The following SLC37A1 variants were observed in gnomAD, a reference collection of about 807,000 sequenced individuals.
SLC37A1 encodes the protein solute carrier family 37 member 1.
A neutral mutation model predicts 75.3 loss-of-function variants in SLC37A1; 49 were observed. The ratio of observed to expected loss-of-function variants is 0.65; its 90% confidence interval spans 0.52 to 0.83. The LOEUF is 0.83. Among genes scored for constraint, SLC37A1 ranks in the 40% least tolerant of loss-of-function variants. SLC37A1 has a pLI of 0.00. For missense variants in SLC37A1, 566 were observed against 695.0 expected (o/e 0.81, Z 2.09); for synonymous variants, 268 against 292.1 (o/e 0.92, Z 0.84).
chr21:42,535,949 C>A (rs1472486713), intron 5 of SLC37A1, among the ~76,000 whole-genome samples: 2 of 152,200 alleles, frequency 1.3e-5, no homozygotes, highest in Non-Finnish European at 2.9e-5. Context: ...GTTTATATGC[C>A]CCAAATAACG....
chr21:42,542,603 A>G, intron 7 of SLC37A1, 123 bp downstream of exon 7: 1 of 921,590 alleles, frequency 1.1e-6, no homozygotes, highest in Non-Finnish European at 1.6e-6. Context: ...GATGGCTGAA[A>G]CCTCTGGGGC....
chr21:42,520,646 CGTGT>C (rs949578250), intron 2 of SLC37A1, among the ~76,000 whole-genome samples: 1 of 151,454 alleles, frequency 6.6e-6, no homozygotes, highest in Non-Finnish European at 1.5e-5. Flanking sequence ...TGTGTGTGTG[CGTGT>C]GTGTGGGTGT....
At chr21:42,556,031 A>G (rs979987052) in intron 10 of SLC37A1, among the ~76,000 whole-genome samples, 1 of 151,330 alleles carries the variant, frequency 6.6e-6, no homozygotes, top group Non-Finnish European at 1.5e-5. Context: ...CCTGACCTCC[A>G]CTCCTTTTCA....
chr21:42,555,331 C>T (rs1201757351), intron 10 of SLC37A1, among the ~76,000 whole-genome samples: 1 of 152,180 alleles, frequency 6.6e-6, no homozygotes, highest in Admixed American at 6.5e-5. Flanking sequence ...AGGGCCTCTC[C>T]TCTGTCAGAA....
At chr21:42,519,179 G>C (rs902208878) in intron 2 of SLC37A1, among the ~76,000 whole-genome samples, 4 of 152,208 alleles carry the variant, frequency 2.6e-5, no homozygotes, top group Admixed American at 2.0e-4. Context: ...AGACTAGCAA[G>C]AGAAAAGACA....
At chr21:42,535,637 C>A in intron 5 of SLC37A1, 87 bp downstream of exon 5, 2 of 1,215,542 alleles carry the variant, frequency 1.6e-6, no homozygotes, top group South Asian at 1.2e-5. Flanking sequence ...AGTGCACAGG[C>A]GCGCGGGATT....
chr21:42,523,397 C>A (rs1434262921), intron 2 of SLC37A1, among the ~76,000 whole-genome samples: 4 of 152,236 alleles, frequency 2.6e-5, no homozygotes, highest in African/African-American at 9.6e-5. Context: ...GTTTGTCAAG[C>A]TGTGGGCTGG....
rs567974577 is a variant in SLC37A1 at position 42,564,132 on chromosome 21, T to C, written c.1135+255T>C. ...TGGACTCAGGGGCTCATGCCTGTTA[T>C]CCAGCACTGTGGGATGCTGAGTTGG... On this transcript the variant is annotated intron_variant, in intron 13 of 19. Transcript: ENST00000352133. 2.0e-5 allele frequency among the ~76,000 whole-genome samples: 3 copies of C among 147,768 alleles called. No individual in the cohort carries two copies. In the South Asian group the frequency reaches 6.3e-4, roughly 31 times the overall value.
rs1373240877 is a variant in SLC37A1 at position 42,565,818 on chromosome 21, T to C, written c.1222-9T>C. 1 of 1,613,618 alleles carries C rather than the reference T, an allele frequency of 6.2e-7. No homozygotes were observed. The highest frequency in any genetic ancestry group is 8.5e-7 in the Non-Finnish European group (1 of 1,179,738). On this transcript the variant is annotated splice_polypyrimidine_tract_variant and intron_variant, in intron 14 of 19. Transcript: ENST00000352133. ...CCATGGCTTTGACCTTGTGTCTTGA[T>C]GTCCACAGCTCTACATCTTCTCCAC...
intron 14 of SLC37A1, among the ~76,000 whole-genome samples, 160 bp from the exon 15 acceptor site, chr21:42,565,667 G>A (rs998066552): frequency 1.3e-5 from 2 of 152,228 alleles, no homozygotes; most frequent in Non-Finnish European, 2.9e-5. Flanking sequence ...CTCAGTACCT[G>A]AGACGGGAGG....
intron 10 of SLC37A1, among the ~76,000 whole-genome samples, chr21:42,555,970 A>AT (rs1454237500): frequency 3.9e-5 from 6 of 152,168 alleles, no homozygotes; most frequent in Non-Finnish European, 8.8e-5. Flanking sequence ...GACACCCTGG[A>AT]TGTCCCCTTT....
intron 8 of SLC37A1, 152 bp from the exon 9 acceptor site, chr21:42,546,951 G>C (rs2055422387): frequency 2.3e-6 from 2 of 860,552 alleles, no homozygotes; most frequent in Admixed American, 2.4e-5. Flanking sequence ...TGTGGCAAGA[G>C]CAGCTCAAAT....
At chr21:42,525,996 C>A (rs2054781115) in intron 3 of SLC37A1, 139 bp downstream of exon 3, 2 of 575,818 alleles carry the variant, frequency 3.5e-6, no homozygotes, top group Non-Finnish European at 6.1e-6. Context: ...GCTGCTTTGG[C>A]TTTTCGGTTT....
chr21:42,531,405 C>G (rs1190840365), intron 3 of SLC37A1, among the ~76,000 whole-genome samples: 1 of 152,092 alleles, frequency 6.6e-6, no homozygotes, highest in Non-Finnish European at 1.5e-5. Flanking sequence ...TTCACAGGGC[C>G]CACTCAGCCT....
At position 42,548,053 on chromosome 21, in the gene SLC37A1, C is replaced by T. The variant is rs2055459071; in HGVS notation, c.768+913C>T. Among the ~76,000 whole-genome samples, 1 of 152,202 alleles carries T rather than the reference C, an allele frequency of 6.6e-6. No homozygotes were observed. The highest frequency in any genetic ancestry group is 2.4e-5 in the African/African-American group (1 of 41,446). On this transcript the variant is annotated intron_variant, in intron 9 of 19. Coordinates refer to ENST00000352133, the MANE Select transcript of SLC37A1 (RefSeq NM_001320537.2). This position sits in a 1 kb window ranked among gnomAD's most constrained non-coding sequence, Gnocchi z 5.6. The stretch of plus-strand genomic sequence containing the variant: ...CTCTGGGGGTCAGCTCTCTTCCCTC[C>T]CTCTGGGAAAGGCTCCCCTACCCGG...
intron 3 of SLC37A1, among the ~76,000 whole-genome samples, chr21:42,533,313 C>T (rs548765355): frequency 6.6e-6 from 1 of 152,348 alleles, no homozygotes; most frequent in East Asian, 1.9e-4. Flanking sequence ...AAGGACTTCA[C>T]TTGCCGCCAT....
intron 6 of SLC37A1, among the ~76,000 whole-genome samples, chr21:42,540,204 G>A (rs2055241509): frequency 2.6e-5 from 4 of 152,346 alleles, no homozygotes; most frequent in Middle Eastern, 3.4e-3. Context: ...ACACACAGCG[G>A]GACAGGGCGT....
chr21:42,547,077 A>C lies in SLC37A1; in HGVS notation c.731-26A>C, dbSNP rs1307248215. 5.0e-6 allele frequency: 8 copies of C among 1,614,158 alleles called. No individual in the cohort carries two copies. The highest frequency in any genetic ancestry group is 5.9e-6 in the Non-Finnish European group (7 of 1,180,008). ...CATTGCCATGGTGGTGGACCTGCTC[A>C]GCCTCACTCATGTTTGCTCTTTCAG... is the stretch of plus-strand genomic sequence containing the variant. On this transcript the variant is annotated intron_variant, in intron 8 of 19. Transcript: ENST00000352133. The surrounding 1 kb of genome is among the most constrained non-coding windows in gnomAD (Gnocchi z 6.1).
chr21:42,552,204 T>G lies in SLC37A1; in HGVS notation c.769-1858T>G, dbSNP rs1289387250. On this transcript the variant is annotated intron_variant, in intron 9 of 19. Transcript: ENST00000352133. This position sits in a 1 kb window ranked among gnomAD's most constrained non-coding sequence, Gnocchi z 4.2. ...GTATTTGATTCCTAGGTTACTTAGG[T>G]TTAGGATATCTATTTTGTGCCCTAA... 6.6e-6 allele frequency among the ~76,000 whole-genome samples: 1 copy of G among 152,178 alleles called. No individual in the cohort carries two copies. Among genetic ancestry groups the G allele is most frequent in the Non-Finnish European group, 1.5e-5 (1 of 68,030 alleles).
Sources: allele counts gnomAD v4.1 joint callset (sites outside exome capture counted in the v4.1 genomes callset), GRCh38; gene constraint gnomAD v4.1.1; non-coding constraint Gnocchi (gnomAD v3.1); transcripts MANE v1.5; gene names NCBI Gene and HGNC (gene_info 2026-07-23, HGNC 2026-07-21).